UBAC1: variants seen among roughly 807,000 people sequenced by gnomAD.
The protein encoded by UBAC1 is ubiquitin-associated domain-containing protein 1.
In UBAC1, 27 loss-of-function variants were observed where a neutral mutation model predicts 45.9. The ratio of observed to expected loss-of-function variants is 0.59; its 90% CI spans 0.43 to 0.81. The LOEUF (loss-of-function observed/expected upper bound fraction) is 0.81. Among genes scored for constraint, UBAC1 ranks in the 30% least tolerant of loss-of-function variants. The pLI is 0.00. For missense variants in UBAC1, 529 were observed against 539.2 expected (o/e 0.98, Z 0.19); for synonymous variants, 227 against 215.5 (o/e 1.05, Z -0.47).
At chr9:135,935,167 A>G (rs1839189151) in intron 9 of UBAC1, among the ~76,000 whole-genome samples, 1 of 152,056 alleles carries the variant, frequency 6.6e-6, no homozygotes, top group African/African-American at 2.4e-5. Flanking sequence ...AAAGTGCTAC[A>G]ATTACAGGCA....
intron 1 of UBAC1, among the ~76,000 whole-genome samples, chr9:135,960,206 T>C (rs547449260): frequency 1.3e-5 from 2 of 152,194 alleles, no homozygotes; most frequent in Admixed American, 1.3e-4. Flanking sequence ...AGACAGGAGG[T>C]CAGTCTGACA....
chr9:135,942,908 G>C (rs1233850898), intron 7 of UBAC1, among the ~76,000 whole-genome samples: 1 of 152,088 alleles, frequency 6.6e-6, no homozygotes, highest in Non-Finnish European at 1.5e-5. Flanking sequence ...AAATAGACTA[G>C]AAAAGCATTT....
rs551914856 is a variant in UBAC1, at chr9:135,946,812, G to A, written c.442-441C>T. On this transcript the variant is annotated intron_variant, in intron 4 of 9. Transcript: ENST00000371756. ...GGCCATCACTGTCCTCCCCAGGCAG[G>A]AGGAGCCGTGGGATGGACCGGAGAT... 6.6e-5 allele frequency among the ~76,000 whole-genome samples: 10 copies of A among 152,330 alleles called. No individual in the cohort carries two copies. In the East Asian group the frequency reaches 1.5e-3, roughly 24 times the overall value.
chr9:135,939,844 C>T (rs1479824638), intron 7 of UBAC1, 85 bp from the exon 8 acceptor site: 9 of 1,166,368 alleles, frequency 7.7e-6, no homozygotes, highest in African/African-American at 1.5e-5. Flanking sequence ...GCCCGCTCCC[C>T]GCACCCTAGC....
rs6569 is a variant in UBAC1 at position 135,933,271 on chromosome 9, A to T, written c.*129T>A. 7 of 687,164 alleles carry T rather than the reference A, an allele frequency of 1.0e-5. No homozygotes were observed. Among genetic ancestry groups the T allele is most frequent in the Admixed American group, 5.3e-5 (2 of 37,896 alleles). The allele number at this position is 687,164 out of a possible 1,614,324, so 42.6% of individuals were successfully genotyped here. A position where few individuals can be genotyped will look rare whatever the true frequency, so the allele number is the denominator to read the frequency against. On this transcript the variant is annotated 3_prime_UTR_variant, in exon 10 of 10. Transcript: ENST00000371756. ...AGCAATAAGATCAGAGAGCAGGAGCAGCTGCAGCACCTCTAACAGTCCAGG... is the reference window on the plus strand; with the variant it reads ...AGCAATAAGATCAGAGAGCAGGAGCTGCTGCAGCACCTCTAACAGTCCAGG...
At chr9:135,948,359 G>C (rs1419968187) in intron 3 of UBAC1, among the ~76,000 whole-genome samples, 1 of 152,272 alleles carries the variant, frequency 6.6e-6, no homozygotes, top group Non-Finnish European at 1.5e-5. Context: ...AACCGGAAGA[G>C]TGACAGCACA....
chr9:135,955,565 T>A, intron 1 of UBAC1, 150 bp from the exon 2 acceptor site: 1 of 914,236 alleles, frequency 1.1e-6, no homozygotes, highest in Non-Finnish European at 1.6e-6. Flanking sequence ...GAATTCCCAC[T>A]AATGGTAGAT....
intron 3 of UBAC1, among the ~76,000 whole-genome samples, chr9:135,952,867 C>T (rs1839422893): frequency 6.6e-6 from 1 of 152,232 alleles, no homozygotes; most frequent in Non-Finnish European, 1.5e-5. Context: ...TGCATTTCTG[C>T]GTTTGGATTT....
At chr9:135,958,474 G>C (rs377578052) in intron 1 of UBAC1, among the ~76,000 whole-genome samples, 1 of 152,158 alleles carries the variant, frequency 6.6e-6, no homozygotes, top group Non-Finnish European at 1.5e-5. Flanking sequence ...AAACAGAAAA[G>C]GGAAAGGCAA....
chr9:135,948,836 A>G (rs1462211307), intron 3 of UBAC1, among the ~76,000 whole-genome samples: 1 of 152,182 alleles, frequency 6.6e-6, no homozygotes, highest in Non-Finnish European at 1.5e-5. Flanking sequence ...TTGGGAGGCC[A>G]AGGTGGGTGA....
intron 6 of UBAC1, chr9:135,945,618 G>A (rs1839321955): frequency 5.5e-6 from 3 of 545,988 alleles, no homozygotes; most frequent in South Asian, 2.6e-5. Flanking sequence ...GGAATCCTGA[G>A]AAGACTGTTA....
intron 1 of UBAC1, 25 bp downstream of exon 1, chr9:135,961,000 G>A: frequency 2.0e-6 from 3 of 1,515,206 alleles, no homozygotes; most frequent in Non-Finnish European, 2.6e-6. Flanking sequence ...GGGTGTTGGG[G>A]GCAGGGGAGG....
intron 8 of UBAC1, among the ~76,000 whole-genome samples, chr9:135,938,653 C>T (rs1449742042): frequency 6.6e-6 from 1 of 152,242 alleles, no homozygotes; most frequent in Non-Finnish European, 1.5e-5. Context: ...CAGTGTGGCC[C>T]ACCCAGGAGT....
rs201115937 is a variant in UBAC1 at position 135,946,356 on chromosome 9, G to A, written c.457C>T (p.Arg153Trp). ...TCGATGAGAGACACCAGTATCTTCC[G>A]GAGTTCTGTCTGGAACTGTGGTGAA... is the stretch of plus-strand genomic sequence containing the variant. The part of the protein sequence containing the change: ...TNMRDFQTEL[R>W]KILVSLIEVA... Residue 153 changes from arginine to tryptophan, a missense_variant, in exon 5 of 10, where the codon CGG (arginine) becomes TGG (tryptophan). Physicochemically the swap from Arg to Trp is moderately radical, Grantham distance 101 (BLOSUM62 -3). Transcript: ENST00000371756. The A allele has an allele frequency of 2.0e-5, 33 of 1,611,770 alleles. No homozygotes were observed. The highest frequency in any genetic ancestry group is 6.7e-5 in the East Asian group (3 of 44,898).
At chr9:135,952,099 C>A (rs1313378279) in intron 3 of UBAC1, among the ~76,000 whole-genome samples, 1 of 152,244 alleles carries the variant, frequency 6.6e-6, no homozygotes, top group Non-Finnish European at 1.5e-5. Flanking sequence ...CAGGGACAGG[C>A]GGAGGCAGGC....
At chr9:135,960,153 C>G (rs1427402117) in intron 1 of UBAC1, among the ~76,000 whole-genome samples, 1 of 152,198 alleles carries the variant, frequency 6.6e-6, no homozygotes, top group East Asian at 1.9e-4. Flanking sequence ...TTGCAGCCTC[C>G]TTCAACCTAA....
At chr9:135,936,558 C>T (rs1263832329) in intron 9 of UBAC1, among the ~76,000 whole-genome samples, 7 of 150,824 alleles carry the variant, frequency 4.6e-5, no homozygotes, top group Admixed American at 6.6e-5. Context: ...TGCAGTGGCA[C>T]GATCTCGGCT....
chr9:135,959,374 T>G (rs1386987904), intron 1 of UBAC1, among the ~76,000 whole-genome samples: 1 of 2,764 alleles, frequency 3.6e-4, no homozygotes, highest in Admixed American at 0.013. Flanking sequence ...TTTGTCTGGT[T>G]TTTTTTTTTT....
intron 2 of UBAC1, among the ~76,000 whole-genome samples, chr9:135,954,886 C>A (rs1429636868): frequency 6.6e-6 from 1 of 152,230 alleles, no homozygotes; most frequent in East Asian, 1.9e-4. Context: ...ACAGACAAAA[C>A]TGATGTCTGC....
Sources: allele counts gnomAD v4.1 joint callset (sites outside exome capture counted in the v4.1 genomes callset), GRCh38; gene constraint gnomAD v4.1.1; transcripts MANE v1.5; gene names NCBI Gene and HGNC (gene_info 2026-07-23, HGNC 2026-07-21).